The following FAM124B variants were observed in gnomAD, a reference collection of about 807,000 sequenced individuals.
FAM124B encodes the protein protein FAM124B.
In FAM124B, 18 loss-of-function variants were observed where a neutral mutation model predicts 19.7. That is an observed-to-expected ratio of 0.92 (90% CI 0.63 to 1.36). The LOEUF is 1.36. FAM124B is among the 40% of genes most tolerant of loss of function. The pLI is 0.00. For missense variants in FAM124B, 540 were observed against 553.3 expected (o/e 0.98, Z 0.24); for synonymous variants, 223 against 225.2 (o/e 0.99, Z 0.09).
At chr2:224,399,661 TTCC>T (rs1479187568) in intron 1 of FAM124B, 55 of 152,180 alleles carry the variant, frequency 3.6e-4, no homozygotes, top group Admixed American at 3.6e-3. Flanking sequence ...AGATAGATAC[TTCC>T]TATCTTGGGC....
intron 1 of FAM124B, among the ~76,000 whole-genome samples, chr2:224,398,465 T>C (rs548531427): frequency 5.0e-4 from 76 of 152,286 alleles, no homozygotes; most frequent in African/African-American, 1.7e-3. Context: ...CAATGTGTTG[T>C]CTTTGGATTA....
chr2:224,382,810 G>A (rs532076561), intron 1 of FAM124B, among the ~76,000 whole-genome samples: 77 of 152,128 alleles, frequency 5.1e-4, no homozygotes, highest in Admixed American at 1.4e-3. Flanking sequence ...CTCTGCCTAC[G>A]GGACCCCCTC....
intron 1 of FAM124B, among the ~76,000 whole-genome samples, chr2:224,388,750 TAAAG>T (rs1689837446): frequency 6.6e-6 from 1 of 152,194 alleles, no homozygotes. Flanking sequence ...ACAATTTTTT[TAAAG>T]AAAGAAGCCT....
At chr2:224,393,845 C>T (rs142679104) in intron 1 of FAM124B, among the ~76,000 whole-genome samples, 23 of 152,284 alleles carry the variant, frequency 1.5e-4, no homozygotes, top group South Asian at 1.0e-3. Flanking sequence ...GTTGAAATTA[C>T]AGCTTGGTCT....
chr2:224,399,511 A>G (rs1690028046), intron 1 of FAM124B: 1 of 152,224 alleles, frequency 6.6e-6, no homozygotes. Context: ...TTTATTCAAT[A>G]GGCCTTAAGG....
chr2:224,396,631 A>G (rs1362513335), intron 1 of FAM124B, among the ~76,000 whole-genome samples: 1 of 152,176 alleles, frequency 6.6e-6, no homozygotes, highest in East Asian at 1.9e-4. Flanking sequence ...ACCTTCCCTA[A>G]AAGTCCCACA....
At chr2:224,384,921 TTC>T (rs909837592) in intron 1 of FAM124B, among the ~76,000 whole-genome samples, 4 of 151,938 alleles carry the variant, frequency 2.6e-5, no homozygotes, top group East Asian at 1.9e-4. Context: ...CTCCTTCTCT[TTC>T]TCTCTCTCTG....
chr2:224,401,260 T>C lies in FAM124B; in HGVS notation c.509A>G (p.Asn170Ser), dbSNP rs1467663903. 1 of 1,613,872 alleles carries C rather than the reference T, an allele frequency of 6.2e-7. No homozygotes were observed. The highest frequency in any genetic ancestry group is 8.5e-7 in the Non-Finnish European group (1 of 1,179,988). ...GGCATAGAGCACGAAGAAACAAAAA[T>C]TGCTCTTTTGCAAGGTCGCTTCTCT... ...LQREATLQKS[N>S]FCFFVLYASK... The change falls in exon 1 of 2, where the codon AAT becomes AGT. Residue 170 changes from asparagine (N) to serine (S), a missense_variant. Physicochemically the swap from Asn to Ser is conservative, Grantham distance 46. Transcript: ENST00000409685.
chr2:224,391,361 A>G (rs1390651923), intron 1 of FAM124B, among the ~76,000 whole-genome samples: 7 of 150,586 alleles, frequency 4.6e-5, no homozygotes, highest in African/African-American at 1.7e-4. Flanking sequence ...AAAAAAAAAG[A>G]AAGAAACGTT....
chr2:224,395,113 A>C (rs1689950078), intron 1 of FAM124B, among the ~76,000 whole-genome samples: 1 of 152,172 alleles, frequency 6.6e-6, no homozygotes, highest in South Asian at 2.1e-4. Context: ...CACCAATGCT[A>C]ACTCAGTGAC....
chr2:224,391,439 A>G (rs1246801565), intron 1 of FAM124B, among the ~76,000 whole-genome samples: 1 of 152,166 alleles, frequency 6.6e-6, no homozygotes, highest in Admixed American at 6.5e-5. Flanking sequence ...TCTTATTAAA[A>G]TCTTGCTAAG....
intron 1 of FAM124B, chr2:224,400,032 G>A (rs1483379544): frequency 6.4e-6 from 1 of 155,220 alleles, no homozygotes; most frequent in Non-Finnish European, 1.4e-5. Context: ...ATACACACAT[G>A]CTATGTTAGG....
At chr2:224,392,586 CT>C (rs1045322224) in intron 1 of FAM124B, among the ~76,000 whole-genome samples, 1 of 151,974 alleles carries the variant, frequency 6.6e-6, no homozygotes, top group Non-Finnish European at 1.5e-5. Context: ...AAAACCCGGT[CT>C]CTACAAAAAA....
In FAM124B at chr2:224,380,030, G is replaced by A; in HGVS notation, c.911C>T (p.Pro304Leu). 6.4e-7 allele frequency: 1 copy of A among 1,551,670 alleles called. No individual in the cohort carries two copies. Among genetic ancestry groups the A allele is most frequent in the South Asian group, 1.2e-5 (1 of 84,056 alleles). ...SLELPEPSGS[P>L]TSDRCAGTSW... ...AGTGCCAGCACACCTGTCTGATGTG[G>A]GGCTCCCACTGGGCTCAGGAAGCTC... Residue 304 changes from proline to leucine, a missense_variant, in exon 2 of 2, where the codon CCC (proline) becomes CTC (leucine). Transcript: ENST00000409685.
intron 1 of FAM124B, 44 bp downstream of exon 1, chr2:224,400,993 C>G (rs1215775135): frequency 6.5e-7 from 1 of 1,535,694 alleles, no homozygotes; most frequent in African/African-American, 1.4e-5. Context: ...TAAAATTACA[C>G]AGCTCCATGA....
At chr2:224,388,333 A>G (rs1689829759) in intron 1 of FAM124B, among the ~76,000 whole-genome samples, 1 of 152,234 alleles carries the variant, frequency 6.6e-6, no homozygotes, top group Non-Finnish European at 1.5e-5. Context: ...TCCTTGGATA[A>G]GGAATAGTTC....
At chr2:224,380,241 A>T in intron 1 of FAM124B, 33 bp from the exon 2 acceptor site, 1 of 1,495,940 alleles carries the variant, frequency 6.7e-7, no homozygotes, top group Non-Finnish European at 9.0e-7. Flanking sequence ...CATATGAAAC[A>T]TAATTTCCAT....
In FAM124B at chr2:224,379,703, T is replaced by C; in HGVS notation, c.1238A>G (p.Glu413Gly). ...AGCAAGTGGCAAAGGAGAGACTCTT[T>C]CCTTAAGGACACTGTTGTTTTTGGA... Reference protein sequence around the residue: ...ATSKNNSVLKERVSPLPLAGQ... With the variant: ...ATSKNNSVLKGRVSPLPLAGQ... The change falls in exon 2 of 2, where the codon GAA becomes GGA. Residue 413 changes from glutamate to glycine, a missense_variant. Coordinates refer to ENST00000409685, the MANE Select transcript of FAM124B (RefSeq NM_001122779.2). The C allele has an allele frequency of 6.4e-7, 1 of 1,551,698 alleles. No homozygotes were observed. The highest frequency in any genetic ancestry group is 1.2e-5 in the South Asian group (1 of 84,060).
At chr2:224,386,070 C>T (rs1465638990) in intron 1 of FAM124B, among the ~76,000 whole-genome samples, 2 of 152,108 alleles carry the variant, frequency 1.3e-5, no homozygotes, top group Non-Finnish European at 2.9e-5. Context: ...GCCCTTGGAT[C>T]ACCACACCAT....
Sources: allele counts gnomAD v4.1 joint callset (sites outside exome capture counted in the v4.1 genomes callset), GRCh38; gene constraint gnomAD v4.1.1; transcripts MANE v1.5; gene names NCBI Gene and HGNC (gene_info 2026-07-23, HGNC 2026-07-21).